B3GNT5: variants seen among roughly 807,000 people sequenced by gnomAD.
The protein encoded by B3GNT5 is UDP-GlcNAc:betaGal beta-1,3-N-acetylglucosaminyltransferase 5.
In B3GNT5, 11 loss-of-function variants were observed where a neutral mutation model predicts 25.9. The observed-to-expected ratio is 0.42, with a 90% CI of 0.27 to 0.70. The LOEUF (loss-of-function observed/expected upper bound fraction) is 0.70. Ranked by LOEUF, B3GNT5 falls within the 30% of genes least tolerant of loss-of-function variation. B3GNT5 has a pLI of 0.23. For synonymous variants in B3GNT5, 166 were observed against 158.6 expected (o/e 1.05, Z -0.35); for missense variants, 385 against 458.4 (o/e 0.84, Z 1.46).
Position 183,272,856 on chromosome 3 carries a change from A to C in B3GNT5, c.*1921A>C. 2.4e-6 allele frequency: 3 copies of C among 1,262,800 alleles called. No homozygotes were observed. The highest frequency in any genetic ancestry group is 3.0e-6 in the Non-Finnish European group (3 of 993,628). 78.2% of individuals were successfully genotyped at this position (1,262,800 alleles called of 1,614,324 possible). A position where few individuals can be genotyped will look rare whatever the true frequency, so the allele number is the denominator to read the frequency against. On this transcript the variant is annotated 3_prime_UTR_variant, in exon 2 of 2. Transcript: ENST00000326505. ...AAAACATAAGTGTCTCTGGCCATCA[A>C]AGTGATCTTGTTTACAGCAGTGCTT...
chr3:183,259,049 G>C (rs6782290), intron 1 of B3GNT5, among the ~76,000 whole-genome samples: 28,301 of 152,056 alleles, frequency 0.19, 6,705 homozygotes, highest in African/African-American at 0.56. Context: ...AAATGTTTTT[G>C]ATCTGTAGTT....
intron 1 of B3GNT5, among the ~76,000 whole-genome samples, chr3:183,268,913 A>G (rs1726426935): frequency 1.3e-5 from 2 of 152,218 alleles, no homozygotes; most frequent in African/African-American, 4.8e-5. Context: ...AAGTACAGAA[A>G]GAAGGTGGCT....
intron 1 of B3GNT5, among the ~76,000 whole-genome samples, chr3:183,259,336 G>C (rs114169124): frequency 2.6e-5 from 4 of 152,220 alleles, no homozygotes; most frequent in African/African-American, 9.6e-5. Context: ...AGTAGTGGCT[G>C]TTTGTAGCAT....
intron 1 of B3GNT5, among the ~76,000 whole-genome samples, chr3:183,262,088 A>C (rs1725649241): frequency 6.7e-6 from 1 of 149,580 alleles, no homozygotes; most frequent in Admixed American, 6.7e-5. Flanking sequence ...TATATACCAA[A>C]TTAAAGTATC....
intron 1 of B3GNT5, among the ~76,000 whole-genome samples, chr3:183,268,960 TGA>T (rs1370952639): frequency 1.3e-5 from 2 of 152,158 alleles, no homozygotes; most frequent in Non-Finnish European, 2.9e-5. Flanking sequence ...TTTTGATTAC[TGA>T]GAGTTTGCTT....
intron 1 of B3GNT5, among the ~76,000 whole-genome samples, chr3:183,265,752 T>C (rs1238602935): frequency 6.6e-6 from 1 of 152,230 alleles, no homozygotes; most frequent in African/African-American, 2.4e-5. Flanking sequence ...CTTCCCCTTA[T>C]CATTCAAGTA....
intron 1 of B3GNT5, among the ~76,000 whole-genome samples, chr3:183,266,688 G>A (rs1726160329): frequency 1.3e-5 from 2 of 152,124 alleles, no homozygotes; most frequent in Non-Finnish European, 1.5e-5. Context: ...ATTTTCTGAC[G>A]TCTTTCTCAC....
chr3:183,258,923 A>G (rs1436312032), intron 1 of B3GNT5, among the ~76,000 whole-genome samples: 1 of 152,182 alleles, frequency 6.6e-6, no homozygotes, highest in African/African-American at 2.4e-5. Flanking sequence ...ATTACTTATA[A>G]TAACTAATGC....
intron 1 of B3GNT5, among the ~76,000 whole-genome samples, chr3:183,266,584 T>C (rs1726147258): frequency 6.6e-6 from 1 of 152,176 alleles, no homozygotes; most frequent in Admixed American, 6.5e-5. Context: ...GGATGAGCAC[T>C]GTGGAAAGAC....
At position 183,267,693 on chromosome 3, in the gene B3GNT5, A is replaced by C. The variant is rs1726295239; in HGVS notation, c.-301-1805A>C. 6.6e-6 allele frequency among the ~76,000 whole-genome samples: 1 copy of C among 152,216 alleles called. No individual in the cohort carries two copies. The highest frequency in any genetic ancestry group is 2.4e-5 in the African/African-American group (1 of 41,460). On this transcript the variant is annotated intron_variant, in intron 1 of 1. Coordinates refer to ENST00000326505, the MANE Select transcript of B3GNT5 (RefSeq NM_032047.5). The surrounding 1 kb of genome is among the most constrained non-coding windows in gnomAD (Gnocchi z 5.5). The stretch of plus-strand genomic sequence containing the variant: ...AGAGAGCCTACCTTTCCATCCAAGG[A>C]AGTGTTTTACCTGTGGTAAGCACGG...
At chr3:183,254,407 G>A (rs1724831976) in intron 1 of B3GNT5, among the ~76,000 whole-genome samples, 1 of 151,902 alleles carries the variant, frequency 6.6e-6, no homozygotes, top group Non-Finnish European at 1.5e-5. Flanking sequence ...GGAGAAGGAG[G>A]CTCGTCCCCT....
In B3GNT5 at chr3:183,269,726, CG is replaced by C. The variant is rs1726555956; in HGVS notation, c.-72del. On this transcript the variant is annotated 5_prime_UTR_variant, in exon 2 of 2. It removes the in-frame stop codon of an upstream open reading frame in the 5' UTR. Transcript: ENST00000326505. ...AGATGGACACCTACTCTACGAAACACGAAGTTCTATGGTCTCGAAGAAGCCC... is the reference window on the plus strand; with the variant it reads ...AGATGGACACCTACTCTACGAAACACAAGTTCTATGGTCTCGAAGAAGCCC... The C allele has an allele frequency of 1.5e-6, 2 of 1,377,380 alleles. No individual in the cohort carries two copies. Among genetic ancestry groups the C allele is most frequent in the Admixed American group, 4.6e-5 (2 of 43,592 alleles). The allele number at this position is 1,377,380 out of a possible 1,614,324, so 85.3% of individuals were successfully genotyped here. A position where few individuals can be genotyped will look rare whatever the true frequency, so the allele number is the denominator to read the frequency against.
In B3GNT5 at chr3:183,270,932, C is replaced by CTAAT; in HGVS notation, c.1135_*1dup. The CTAAT allele has an allele frequency of 6.4e-7, 1 of 1,560,048 alleles. No individual in the cohort carries two copies. Among genetic ancestry groups the CTAAT allele is most frequent in the African/African-American group, 1.4e-5 (1 of 72,690 alleles). On this transcript the variant is annotated frameshift_variant and stop_retained_variant, in exon 2 of 2. Transcript: ENST00000326505. LOFTEE classifies it high-confidence loss of function. This position sits in a 1 kb window ranked among gnomAD's most constrained non-coding sequence, Gnocchi z 4.5. ...CATACCCTTGTAGGGCTGCGTTTATCTAATAGTACTTGAATGTTGTATGTT... is the reference window on the plus strand; with the variant it reads ...CATACCCTTGTAGGGCTGCGTTTATCTAATTAATAGTACTTGAATGTTGTATGTT...
At position 183,269,230 on chromosome 3, in the gene B3GNT5, C is replaced by CTTTTTTT. The variant is rs60835895; in HGVS notation, c.-301-256_-301-250dup. On this transcript the variant is annotated intron_variant, in intron 1 of 1. Coordinates refer to ENST00000326505, the MANE Select transcript of B3GNT5 (RefSeq NM_032047.5). ...TACACGATTATAGCCGTTTGGGAAG[C>CTTTTTTT]TTTTTTTTTTTTTTTTTTAAGAGTA... Among the ~76,000 whole-genome samples the CTTTTTTT allele has an allele frequency of 2.6e-4, 21 of 80,992 alleles. 3 individuals are homozygous for CTTTTTTT. Among genetic ancestry groups the CTTTTTTT allele is most frequent in the African/African-American group, 1.1e-3 (18 of 15,754 alleles). The allele number at this position is 80,992 out of a possible 152,430, so 53.1% of individuals were successfully genotyped here.
At position 183,271,333 on chromosome 3, in the gene B3GNT5, G is replaced by A. The variant is rs1726762076; in HGVS notation, c.*398G>A. ...AGGAAATGAATATATTGTTAGACCA[G>A]GTAAGCAAGTTTATTTTTGTTAAAG... On this transcript the variant is annotated 3_prime_UTR_variant, in exon 2 of 2. Transcript: ENST00000326505. The A allele has an allele frequency of 5.9e-6, 1 of 168,598 alleles. No individual in the cohort carries two copies. The allele number at this position is 168,598 out of a possible 1,614,324, so 10.4% of individuals were successfully genotyped here. A position where few individuals can be genotyped will look rare whatever the true frequency, so the allele number is the denominator to read the frequency against.
intron 1 of B3GNT5, among the ~76,000 whole-genome samples, chr3:183,255,825 AAAAG>A (rs769109572): frequency 3.9e-5 from 6 of 152,146 alleles, no homozygotes; most frequent in Non-Finnish European, 7.4e-5. Flanking sequence ...AAAAAAAAGA[AAAAG>A]AAAACTTTCT....
In B3GNT5 at chr3:183,270,488, T is replaced by TA; in HGVS notation, c.691dup (p.Arg231LysfsTer3). On this transcript the variant is annotated frameshift_variant, in exon 2 of 2. Transcript: ENST00000326505. LOFTEE classifies it high-confidence loss of function. The surrounding 1 kb of genome is among the most constrained non-coding windows in gnomAD (Gnocchi z 4.5). ...GTGTTCATCGTGGTGCCCCTCCCAT[T>TA]AGAGATAAAAGCAGCAAATACTACG... 1.2e-6 allele frequency: 2 copies of TA among 1,614,116 alleles called. No individual in the cohort carries two copies. Among genetic ancestry groups the TA allele is most frequent in the Non-Finnish European group, 1.7e-6 (2 of 1,180,016 alleles).
At chr3:183,262,176 C>G (rs1167849528) in intron 1 of B3GNT5, among the ~76,000 whole-genome samples, 2 of 149,636 alleles carry the variant, frequency 1.3e-5, no homozygotes, top group Non-Finnish European at 1.5e-5. Context: ...TTTTATGATA[C>G]TTTATTATAT....
chr3:183,272,054 G>A lies in B3GNT5; in HGVS notation c.*1119G>A. 1 of 613,838 alleles carries A rather than the reference G, an allele frequency of 1.6e-6. No homozygotes were observed. Among genetic ancestry groups the A allele is most frequent in the South Asian group, 7.5e-5 (1 of 13,368 alleles). The allele number at this position is 613,838 out of a possible 1,614,324, so 38.0% of individuals were successfully genotyped here. On this transcript the variant is annotated 3_prime_UTR_variant, in exon 2 of 2. Coordinates refer to ENST00000326505, the MANE Select transcript of B3GNT5 (RefSeq NM_032047.5). ...AACAATTTATTTTTCATCAATAACT[G>A]TCAGAGGTGATCTTTATTTTCTAAA...
Sources: allele counts gnomAD v4.1 joint callset (sites outside exome capture counted in the v4.1 genomes callset), GRCh38; gene constraint gnomAD v4.1.1; non-coding constraint Gnocchi (gnomAD v3.1); transcripts MANE v1.5; gene names NCBI Gene and HGNC (gene_info 2026-07-23, HGNC 2026-07-21).